ADARB2: variants seen among roughly 807,000 people sequenced by gnomAD.
ADARB2 encodes the protein inactive double-stranded RNA-specific editase B2.
A neutral mutation model predicts 62.2 loss-of-function variants in ADARB2; 25 were observed. The ratio of observed to expected loss-of-function variants is 0.40; its 90% CI spans 0.29 to 0.56. ADARB2 has a LOEUF of 0.56. Ranked by LOEUF, ADARB2 falls within the 20% of genes least tolerant of loss-of-function variation. The pLI, the probability that ADARB2 is intolerant of heterozygous loss-of-function variation, is 0.43. For synonymous variants in ADARB2, 572 were observed against 500.8 expected, an observed-to-expected ratio of 1.14 and a Z score of -1.90; for missense variants, 1,071 against 1,077.4, an observed-to-expected ratio of 0.99 and a Z score of 0.08.
At chr10:1,650,557 A>G (rs187348708) in intron 1 of ADARB2, among the ~76,000 whole-genome samples, 19 of 152,308 alleles carry the variant, frequency 1.2e-4, no homozygotes, top group African/African-American at 3.6e-4. Context: ...TTCCCATACA[A>G]AAGTGGCAGA....
chr10:1,518,955 A>G (rs760398936), intron 1 of ADARB2, among the ~76,000 whole-genome samples: 45 of 151,938 alleles, frequency 3.0e-4, no homozygotes, highest in Non-Finnish European at 5.7e-4. Flanking sequence ...ATACGCATGC[A>G]TTCCACGTAA....
At chr10:1,669,809 CACAG>C (rs1007934926) in intron 1 of ADARB2, among the ~76,000 whole-genome samples, 1 of 151,856 alleles carries the variant, frequency 6.6e-6, no homozygotes, top group African/African-American at 2.4e-5. Flanking sequence ...CAGAGACAAA[CACAG>C]ACACATAGAC....
intron 4 of ADARB2, among the ~76,000 whole-genome samples, chr10:1,244,706 G>A (rs914179694): frequency 1.3e-5 from 2 of 152,162 alleles, no homozygotes; most frequent in African/African-American, 4.8e-5. Flanking sequence ...GAGAAATGTC[G>A]CGGAAGTGCT....
intron 1 of ADARB2, among the ~76,000 whole-genome samples, chr10:1,475,653 G>A (rs1381688846): frequency 6.6e-6 from 1 of 152,228 alleles, no homozygotes. Context: ...ATTTTTTAAA[G>A]TTCAGCCATT....
intron 1 of ADARB2, among the ~76,000 whole-genome samples, chr10:1,733,033 A>G (rs1835253294): frequency 6.6e-6 from 1 of 152,184 alleles, no homozygotes; most frequent in Non-Finnish European, 1.5e-5. Context: ...CTAGAACAAT[A>G]CCTAAATTTC....
At chr10:1,719,726 G>T (rs1162811394) in intron 1 of ADARB2, among the ~76,000 whole-genome samples, 2 of 152,168 alleles carry the variant, frequency 1.3e-5, no homozygotes, top group Admixed American at 6.5e-5. Context: ...TAAAAAATGG[G>T]CAAAGGACAT....
At chr10:1,538,259 G>T (rs1832359445) in intron 1 of ADARB2, among the ~76,000 whole-genome samples, 1 of 152,216 alleles carries the variant, frequency 6.6e-6, no homozygotes, top group African/African-American at 2.4e-5. Context: ...AGGGGTCGCA[G>T]ACCTCTGGGA....
intron 1 of ADARB2, among the ~76,000 whole-genome samples, chr10:1,610,635 G>A (rs1833557138): frequency 1.3e-5 from 2 of 152,132 alleles, no homozygotes; most frequent in Admixed American, 1.3e-4. Context: ...GGACTTGCTG[G>A]GCCACAGATG....
intron 1 of ADARB2, among the ~76,000 whole-genome samples, chr10:1,641,022 T>C (rs1350091455): frequency 6.6e-6 from 1 of 152,242 alleles, no homozygotes; most frequent in Non-Finnish European, 1.5e-5. Flanking sequence ...GAAAAAGTAT[T>C]CATTGTTTTG....
chr10:1,326,771 ACAGCCCCTCCTCACTGCC>A (rs140434567), intron 3 of ADARB2, among the ~76,000 whole-genome samples: 5,657 of 111,218 alleles, frequency 0.051, 483 homozygotes, highest in East Asian at 0.11. Flanking sequence ...CTCTGGTAGC[ACAGCCCCTCCTCACTGCC>A]CAGCGCCTCC....
chr10:1,647,756 ATGT>A (rs1350861399), intron 1 of ADARB2, among the ~76,000 whole-genome samples: 2 of 151,400 alleles, frequency 1.3e-5, no homozygotes, highest in Non-Finnish European at 2.9e-5. Context: ...ATGTGTGTAT[ATGT>A]TGTGTATGTG....
At chr10:1,554,464 A>G (rs1248900103) in intron 1 of ADARB2, among the ~76,000 whole-genome samples, 5 of 151,996 alleles carry the variant, frequency 3.3e-5, no homozygotes, top group Non-Finnish European at 7.4e-5. Flanking sequence ...ACACACCAAG[A>G]ACCTCTGCCC....
intron 1 of ADARB2, among the ~76,000 whole-genome samples, chr10:1,727,080 A>G (rs931301004): frequency 4.6e-5 from 7 of 152,222 alleles, no homozygotes; most frequent in Non-Finnish European, 7.3e-5. Context: ...TCCAATTTAC[A>G]TAACTGTGGC....
intron 1 of ADARB2, among the ~76,000 whole-genome samples, chr10:1,733,953 C>T (rs971064966): frequency 9.2e-6 from 1 of 108,982 alleles, no homozygotes; most frequent in South Asian, 3.1e-4. Flanking sequence ...GGGATATGAA[C>T]GTTGCTTTGC....
intron 1 of ADARB2, among the ~76,000 whole-genome samples, chr10:1,685,018 T>C (rs1834581908): frequency 6.6e-6 from 1 of 152,134 alleles, no homozygotes; most frequent in African/African-American, 2.4e-5. Flanking sequence ...GTTGTCATCC[T>C]TGCTCATGGG....
intron 1 of ADARB2, among the ~76,000 whole-genome samples, chr10:1,711,039 G>A (rs1050596786): frequency 5.1e-4 from 77 of 152,106 alleles, no homozygotes; most frequent in African/African-American, 1.8e-3. Flanking sequence ...AGCCAGTGAC[G>A]TGTGTTACTC....
intron 1 of ADARB2, among the ~76,000 whole-genome samples, chr10:1,640,496 T>C (rs1042665463): frequency 6.6e-6 from 1 of 152,152 alleles, no homozygotes; most frequent in African/African-American, 2.4e-5. Flanking sequence ...CATTTTGACA[T>C]AAAATATGAG....
chr10:1,612,771 T>C (rs1046161887), intron 1 of ADARB2, among the ~76,000 whole-genome samples: 1 of 152,164 alleles, frequency 6.6e-6, no homozygotes, highest in African/African-American at 2.4e-5. Context: ...GTAACAATGG[T>C]TTTTATTTAT....
chr10:1,489,811 A>C (rs919426078), intron 1 of ADARB2, among the ~76,000 whole-genome samples: 9 of 121,658 alleles, frequency 7.4e-5, no homozygotes, highest in Admixed American at 2.5e-4. Flanking sequence ...GATCCTAATA[A>C]TTAGCATATT....
Sources: gnomAD v4.1 joint callset for allele counts (sites outside exome capture counted in the v4.1 genomes callset) on GRCh38, gnomAD v4.1.1 for gene constraint, MANE v1.5 for transcripts, NCBI Gene and HGNC (gene_info 2026-07-23, HGNC 2026-07-21) for gene names.